Variants in SUPT3H observed in about 807,000 individuals in gnomAD.
SUPT3H encodes the protein transcription initiation protein SPT3 homolog.
Under a neutral mutation model 44.3 loss-of-function variants are expected in SUPT3H, and 44 were observed. That is an observed-to-expected ratio of 0.99 (90% CI 0.78 to 1.28). SUPT3H has a LOEUF of 1.28. SUPT3H is among the 50% of genes most tolerant of loss of function. SUPT3H has a pLI of 0.00. For synonymous variants in SUPT3H, 124 were observed against 125.6 expected (o/e 0.99, Z 0.09); for missense variants, 380 against 387.1 (o/e 0.98, Z 0.15).
intron 2 of SUPT3H, among the ~76,000 whole-genome samples, chr6:45,277,518 T>C (rs1280318230): frequency 6.6e-6 from 1 of 152,196 alleles, no homozygotes; most frequent in African/African-American, 2.4e-5. Context: ...CAAATGGATC[T>C]GGAGGGCCAC....
At chr6:45,020,837 G>T (rs945887703) in intron 3 of SUPT3H, among the ~76,000 whole-genome samples, 1 of 151,892 alleles carries the variant, frequency 6.6e-6, no homozygotes, top group Non-Finnish European at 1.5e-5. Context: ...GAGCCCACCT[G>T]TAACCAATAC....
At chr6:44,905,918 G>GC in intron 10 of SUPT3H, among the ~76,000 whole-genome samples, 1 of 152,012 alleles carries the variant, frequency 6.6e-6, no homozygotes, top group Admixed American at 6.6e-5. Context: ...GCAAACTATC[G>GC]CAAGGACAAA....
chr6:45,152,817 T>C (rs1460780076), intron 2 of SUPT3H, among the ~76,000 whole-genome samples: 1 of 152,020 alleles, frequency 6.6e-6, no homozygotes, highest in Admixed American at 6.6e-5. Flanking sequence ...TTAAATTTAA[T>C]CATATGCTCT....
Position 45,232,078 on chromosome 6 carries a change from T to C in SUPT3H, c.102-126072A>G, listed in dbSNP as rs552903962. Among the ~76,000 whole-genome samples the C allele has an allele frequency of 3.3e-5, 5 of 152,340 alleles. No homozygotes were observed. The South Asian group carries it at 8.3e-4, about 25-fold the overall frequency. The stretch of plus-strand genomic sequence containing the variant: ...TTCTTTTTCCAGAATTGTGTAAATT[T>C]ATTTTTGATTGGGATCTATTGCTGA... On this transcript the variant is annotated intron_variant, in intron 2 of 10. Coordinates refer to ENST00000371459, the MANE Select transcript of SUPT3H (RefSeq NM_003599.4).
At chr6:45,224,145 T>G (rs967053055) in intron 2 of SUPT3H, among the ~76,000 whole-genome samples, 1 of 151,444 alleles carries the variant, frequency 6.6e-6, no homozygotes, top group Non-Finnish European at 1.5e-5. Context: ...AATATATATA[T>G]ATACATATAA....
At chr6:45,324,765 G>A (rs1412601236) in intron 2 of SUPT3H, among the ~76,000 whole-genome samples, 1 of 151,960 alleles carries the variant, frequency 6.6e-6, no homozygotes, top group East Asian at 1.9e-4. Context: ...AATGGTGCTA[G>A]TTTGGGTTTT....
chr6:44,888,705 C>G (rs914373454), intron 10 of SUPT3H, among the ~76,000 whole-genome samples: 121 of 152,004 alleles, frequency 8.0e-4, no homozygotes, highest in African/African-American at 2.4e-3. Context: ...AAAACTGGCA[C>G]AAGACAGGGA....
At chr6:45,231,483 T>C (rs1768044872) in intron 2 of SUPT3H, among the ~76,000 whole-genome samples, 2 of 152,198 alleles carry the variant, frequency 1.3e-5, no homozygotes, top group Admixed American at 1.3e-4. Flanking sequence ...GGGGCTCTTT[T>C]ATAGGTGACT....
At chr6:44,940,538 T>C (rs147253686) in intron 9 of SUPT3H, among the ~76,000 whole-genome samples, 93 of 152,262 alleles carry the variant, frequency 6.1e-4, no homozygotes, top group African/African-American at 1.7e-3. Flanking sequence ...CTGTAAATGA[T>C]TGTTGAAGTC....
At chr6:44,886,433 A>G (rs1440470812) in intron 10 of SUPT3H, among the ~76,000 whole-genome samples, 2 of 152,240 alleles carry the variant, frequency 1.3e-5, no homozygotes, top group Non-Finnish European at 2.9e-5. Flanking sequence ...CAGAAACTCC[A>G]CAAGCCAGAA....
chr6:44,870,663 A>AACAGCTCCAGTCT (rs1321299557), intron 10 of SUPT3H, among the ~76,000 whole-genome samples: 6 of 151,410 alleles, frequency 4.0e-5, no homozygotes, highest in African/African-American at 1.5e-4. Context: ...GCCGAATAGG[A>AACAGCTCCAGTCT]ACAGCTCCAG....
intron 2 of SUPT3H, among the ~76,000 whole-genome samples, chr6:45,146,279 A>T (rs1304050221): frequency 1.3e-5 from 2 of 152,196 alleles, no homozygotes; most frequent in Non-Finnish European, 2.9e-5. Flanking sequence ...ATGCCCATCA[A>T]TCAATGAGTG....
At chr6:45,285,533 C>A (rs1185812659) in intron 2 of SUPT3H, among the ~76,000 whole-genome samples, 2 of 152,014 alleles carry the variant, frequency 1.3e-5, no homozygotes, top group African/African-American at 4.8e-5. Flanking sequence ...ATCCAACTTA[C>A]AAGGGACGTG....
chr6:45,165,124 G>A (rs1295777469), intron 2 of SUPT3H, among the ~76,000 whole-genome samples: 2 of 152,182 alleles, frequency 1.3e-5, no homozygotes, highest in Non-Finnish European at 2.9e-5. Flanking sequence ...GCAGTTTACT[G>A]CTAGGGGAAG....
At chr6:45,037,346 A>C (rs1295423983) in intron 3 of SUPT3H, among the ~76,000 whole-genome samples, 5 of 151,808 alleles carry the variant, frequency 3.3e-5, no homozygotes, top group Non-Finnish European at 5.9e-5. Context: ...AGATGAACAT[A>C]ATGATAAGAT....
chr6:45,036,586 A>G (rs1787708184), intron 3 of SUPT3H, among the ~76,000 whole-genome samples: 2 of 152,206 alleles, frequency 1.3e-5, no homozygotes, highest in Admixed American at 1.3e-4. Context: ...TGTTTAAGTT[A>G]TAATAATTCT....
At chr6:44,942,810 A>G (rs528499597) in intron 9 of SUPT3H, among the ~76,000 whole-genome samples, 1 of 152,298 alleles carries the variant, frequency 6.6e-6, no homozygotes, top group East Asian at 1.9e-4. Flanking sequence ...AGAAATGAAA[A>G]GACATTCTAG....
At chr6:45,108,553 A>G (rs1001817912) in intron 2 of SUPT3H, among the ~76,000 whole-genome samples, 1 of 152,210 alleles carries the variant, frequency 6.6e-6, no homozygotes, top group Non-Finnish European at 1.5e-5. Flanking sequence ...ATATTAATAT[A>G]ACTACATTAA....
intron 2 of SUPT3H, among the ~76,000 whole-genome samples, chr6:45,352,013 C>T (rs1792155681): frequency 6.6e-6 from 1 of 152,138 alleles, no homozygotes; most frequent in South Asian, 2.1e-4. Flanking sequence ...CTTCAAACTC[C>T]CCTACCTCAA....
Sources: allele counts gnomAD v4.1 joint callset (sites outside exome capture counted in the v4.1 genomes callset), GRCh38; gene constraint gnomAD v4.1.1; transcripts MANE v1.5; gene names NCBI Gene and HGNC (gene_info 2026-07-23, HGNC 2026-07-21).